Variants in DYNC1I1 observed in about 807,000 individuals in gnomAD.
The protein encoded by DYNC1I1 is dynein cytoplasmic 1 intermediate chain 1, also known as cytoplasmic dynein 1 intermediate chain 1.
DYNC1I1 carries 43 observed loss-of-function variants against 86.6 expected under a neutral mutation model. The observed-to-expected ratio is 0.50, with a 90% CI of 0.39 to 0.64. The LOEUF (loss-of-function observed/expected upper bound fraction) is 0.64, where lower values mean the gene tolerates loss of function less well. DYNC1I1 is among the 30% of genes least tolerant of loss of function. DYNC1I1 has a pLI of 0.00. For missense variants in DYNC1I1, 604 were observed against 788.8 expected, an observed-to-expected ratio of 0.77 and a Z score of 2.81; for synonymous variants, 262 against 283.7, an observed-to-expected ratio of 0.92 and a Z score of 0.77.
At chr7:95,879,851 G>C (rs1239262358) in intron 6 of DYNC1I1, among the ~76,000 whole-genome samples, 1 of 152,248 alleles carries the variant, frequency 6.6e-6, no homozygotes, top group African/African-American at 2.4e-5. Flanking sequence ...AGAATTGTAG[G>C]AAGGTAATTG....
At chr7:96,090,911 C>A (rs991723170) in intron 16 of DYNC1I1, among the ~76,000 whole-genome samples, 1 of 152,134 alleles carries the variant, frequency 6.6e-6, no homozygotes, top group Admixed American at 6.5e-5. Context: ...GTGGTTTCAT[C>A]CATTGTTAGC....
chr7:95,798,172 T>C (rs1213033303), intron 1 of DYNC1I1, among the ~76,000 whole-genome samples: 1 of 152,232 alleles, frequency 6.6e-6, no homozygotes, highest in Non-Finnish European at 1.5e-5. Context: ...GTTTGAGAAC[T>C]GCTCTTCTGT....
chr7:95,855,330 A>G (rs1789690125), intron 5 of DYNC1I1, among the ~76,000 whole-genome samples: 1 of 152,048 alleles, frequency 6.6e-6, no homozygotes, highest in Non-Finnish European at 1.5e-5. Flanking sequence ...TTCGAAATCC[A>G]TTATGTGTTA....
chr7:95,940,179 A>T (rs1376835335), intron 6 of DYNC1I1, among the ~76,000 whole-genome samples: 2 of 152,136 alleles, frequency 1.3e-5, no homozygotes, highest in Non-Finnish European at 2.9e-5. Flanking sequence ...TGTTAGTCTG[A>T]TGGGCTTCCC....
intron 7 of DYNC1I1, among the ~76,000 whole-genome samples, chr7:95,978,292 A>C (rs1252760956): frequency 6.6e-6 from 1 of 152,234 alleles, no homozygotes; most frequent in East Asian, 1.9e-4. Flanking sequence ...GCCAAGATTT[A>C]GAGTTAAATC....
At chr7:96,066,229 G>T (rs1316861323) in intron 14 of DYNC1I1, among the ~76,000 whole-genome samples, 1 of 152,052 alleles carries the variant, frequency 6.6e-6, no homozygotes, top group East Asian at 1.9e-4. Context: ...TCCTCTTCTT[G>T]ACTGTTTTCC....
At chr7:96,025,895 G>A (rs1794670058) in intron 10 of DYNC1I1, among the ~76,000 whole-genome samples, 1 of 151,974 alleles carries the variant, frequency 6.6e-6, no homozygotes, top group African/African-American at 2.4e-5. Context: ...TCAAGTGGTT[G>A]AATTCTGCAT....
chr7:96,021,143 A>C (rs925988376), intron 10 of DYNC1I1, among the ~76,000 whole-genome samples: 9 of 152,188 alleles, frequency 5.9e-5, no homozygotes, highest in Admixed American at 1.3e-4. Flanking sequence ...TGAACCGTAC[A>C]CTTGAAAATG....
chr7:96,057,796 A>G (rs1789625887), intron 14 of DYNC1I1, among the ~76,000 whole-genome samples: 1 of 152,172 alleles, frequency 6.6e-6, no homozygotes, highest in Non-Finnish European at 1.5e-5. Flanking sequence ...TGATTGTCTT[A>G]TTGACCAATT....
intron 4 of DYNC1I1, among the ~76,000 whole-genome samples, chr7:95,819,254 A>C (rs1429962568): frequency 6.6e-6 from 1 of 152,150 alleles, no homozygotes; most frequent in African/African-American, 2.4e-5. Context: ...GTTACTATTC[A>C]GTTTCTTATT....
At chr7:95,818,197 A>T (rs1250290514) in intron 4 of DYNC1I1, among the ~76,000 whole-genome samples, 2 of 139,134 alleles carry the variant, frequency 1.4e-5, no homozygotes, top group East Asian at 4.0e-4. Context: ...AATAGAATTA[A>T]TTTTTGTCTT....
At chr7:95,963,687 A>C (rs549942604) in intron 6 of DYNC1I1, among the ~76,000 whole-genome samples, 2 of 152,158 alleles carry the variant, frequency 1.3e-5, no homozygotes, top group Non-Finnish European at 2.9e-5. Context: ...ATTGCTCACT[A>C]TTTGGAGGGA....
chr7:95,923,175 G>A (rs1021694894), intron 6 of DYNC1I1, among the ~76,000 whole-genome samples: 6 of 152,170 alleles, frequency 3.9e-5, no homozygotes, highest in African/African-American at 1.2e-4. Flanking sequence ...CAGTCTTTGG[G>A]TAAAGACTTC....
At chr7:95,961,564 A>G (rs977667754) in intron 6 of DYNC1I1, among the ~76,000 whole-genome samples, 2 of 152,122 alleles carry the variant, frequency 1.3e-5, no homozygotes, top group Admixed American at 1.3e-4. Context: ...AGGCACTGGG[A>G]ACAATATAGA....
At chr7:95,930,117 G>A (rs1449673261) in intron 6 of DYNC1I1, among the ~76,000 whole-genome samples, 1 of 152,190 alleles carries the variant, frequency 6.6e-6, no homozygotes, top group African/African-American at 2.4e-5. Context: ...TCAGAATCAG[G>A]ACAGCCCATT....
chr7:96,031,823 A>C (rs1794813705), intron 11 of DYNC1I1, among the ~76,000 whole-genome samples: 1 of 152,080 alleles, frequency 6.6e-6, no homozygotes, highest in South Asian at 2.1e-4. Context: ...ATCTAACCCA[A>C]ATTGCTGTAG....
intron 6 of DYNC1I1, among the ~76,000 whole-genome samples, chr7:95,972,429 A>G (rs1793198036): frequency 6.6e-6 from 1 of 152,170 alleles, no homozygotes; most frequent in South Asian, 2.1e-4. Context: ...AGGAGCGACC[A>G]GTCTGACTCC....
intron 14 of DYNC1I1, among the ~76,000 whole-genome samples, chr7:96,041,163 T>G (rs138605934): frequency 1.7e-3 from 263 of 152,328 alleles, no homozygotes; most frequent in South Asian, 3.5e-3. Flanking sequence ...TCTTTGCAGC[T>G]TCATGGGTAT....
rs1034015274 is a variant in DYNC1I1 at position 95,772,590 on chromosome 7, C to G, written c.-193C>G. The stretch of plus-strand genomic sequence containing the variant: ...TCCGGGGAGCTGTCAGTGTCAGGCT[C>G]TGGGAGAGAGGAAGTGATCGCTCCC... On this transcript the variant is annotated 5_prime_UTR_variant, in exon 1 of 17. Coordinates refer to ENST00000447467, the MANE Select transcript of DYNC1I1 (RefSeq NM_001135556.2). 20 of 152,320 alleles carry G rather than the reference C, an allele frequency of 1.3e-4. No homozygotes were observed. Among genetic ancestry groups the G allele is most frequent in the African/African-American group, 4.3e-4 (18 of 41,564 alleles). The allele number at this position is 152,320 out of a possible 1,614,324, so 9.4% of individuals were successfully genotyped here.
Sources: allele counts gnomAD v4.1 joint callset (sites outside exome capture counted in the v4.1 genomes callset), GRCh38; gene constraint gnomAD v4.1.1; transcripts MANE v1.5; gene names NCBI Gene and HGNC (gene_info 2026-07-23, HGNC 2026-07-21).